METTL2A: variants seen among roughly 807,000 people sequenced by gnomAD.
METTL2A encodes the protein tRNA N(3)-cytidine methyltransferase METTL2A.
Under a neutral mutation model 49.4 loss-of-function variants are expected in METTL2A, and 45 were observed. That is an observed-to-expected ratio of 0.91 (90% CI 0.72 to 1.17). METTL2A has a LOEUF of 1.17. Among genes scored for constraint, METTL2A ranks in the 50% most tolerant of loss-of-function variants. The pLI is 0.00. For missense variants in METTL2A, 361 were observed against 462.2 expected, an observed-to-expected ratio of 0.78 and a Z score of 2.01; for synonymous variants, 118 against 167.5, an observed-to-expected ratio of 0.70 and a Z score of 2.28.
Position 62,423,995 on chromosome 17 carries a change from C to T in METTL2A, c.93C>T (p.Val31=). The T allele has an allele frequency of 1.9e-6, 3 of 1,613,990 alleles. No individual in the cohort carries two copies. Among genetic ancestry groups the T allele is most frequent in the Non-Finnish European group, 2.5e-6 (3 of 1,179,992 alleles). Residue 31 remains valine, a synonymous_variant, in exon 1 of 9, where the codon GTC becomes GTT. Coordinates refer to ENST00000311506, the MANE Select transcript of METTL2A (RefSeq NM_181725.4). ...GSRFLRDPAR[V]FHHNAWDNVE... ...GGTTCCTGAGAGATCCGGCGCGCGT[C>T]TTCCACCACAATGCCTGGTAATCAC...
intron 5 of METTL2A, among the ~76,000 whole-genome samples, chr17:62,436,543 C>A (rs2070701474): frequency 6.6e-6 from 1 of 151,886 alleles, no homozygotes; most frequent in East Asian, 1.9e-4. Context: ...CAGTGAGACT[C>A]CATCTCAAAA....
chr17:62,444,219 A>G (rs1567737293), intron 6 of METTL2A, among the ~76,000 whole-genome samples: 1 of 152,240 alleles, frequency 6.6e-6, no homozygotes, highest in Non-Finnish European at 1.5e-5. Flanking sequence ...CACAGGGCAA[A>G]GATGGCTATC....
intron 7 of METTL2A, among the ~76,000 whole-genome samples, chr17:62,446,012 T>C (rs2070765882): frequency 6.6e-6 from 1 of 152,132 alleles, no homozygotes; most frequent in Non-Finnish European, 1.5e-5. Context: ...CGAGGAGTAT[T>C]TAGTCAGTTC....
intron 4 of METTL2A, among the ~76,000 whole-genome samples, chr17:62,431,612 C>A (rs917713063): frequency 1.3e-5 from 2 of 152,056 alleles, no homozygotes; most frequent in African/African-American, 4.8e-5. Context: ...GCCTTAGGAT[C>A]ATTTCTCAGG....
chr17:62,442,224 T>C (rs2070742806), intron 6 of METTL2A, among the ~76,000 whole-genome samples: 1 of 152,128 alleles, frequency 6.6e-6, no homozygotes, highest in Non-Finnish European at 1.5e-5. Flanking sequence ...TATCCTAAAA[T>C]ACACCATTAA....
At position 62,426,333 on chromosome 17, in the gene METTL2A, T is replaced by G. The variant is rs1418486950; in HGVS notation, c.237T>G (p.Asn79Lys). ...DYEINAHKYW[N>K]DFYKIHENGF... ...AGATCAATGCCCACAAATACTGGAATGACTTCTACAAAATCCACGAAAATG... is the reference window on the plus strand; with the variant it reads ...AGATCAATGCCCACAAATACTGGAAGGACTTCTACAAAATCCACGAAAATG... The change falls in exon 3 of 9, where the codon AAT (asparagine) becomes AAG (lysine). Residue 79 changes from asparagine to lysine, a missense_variant. Asn to Lys is a moderately conservative substitution (Grantham distance 94). Transcript: ENST00000311506. 6.2e-7 allele frequency: 1 copy of G among 1,612,260 alleles called. No individual in the cohort carries two copies. The highest frequency in any genetic ancestry group is 8.5e-7 in the Non-Finnish European group (1 of 1,178,620).
At position 62,424,285 on chromosome 17, in the gene METTL2A, C is replaced by T. The variant is rs2070607816; in HGVS notation, c.177C>T (p.Ile59=). The change falls in exon 2 of 9, where the codon ATC becomes ATT. Residue 59 remains isoleucine, a synonymous_variant. Coordinates refer to ENST00000311506, the MANE Select transcript of METTL2A (RefSeq NM_181725.4). ...AAERKVQENS[I]QRVCQEKQVD... The stretch of plus-strand genomic sequence containing the variant: ...AGAGAAAAGTCCAGGAGAACAGTAT[C>T]CAGCGGGTGTGCCAGGAGAAACAAG... The T allele has an allele frequency of 6.2e-7, 1 of 1,613,974 alleles. No individual in the cohort carries two copies. The highest frequency in any genetic ancestry group is 1.7e-5 in the Admixed American group (1 of 60,008).
chr17:62,439,395 G>A (rs1175975964), intron 5 of METTL2A, among the ~76,000 whole-genome samples: 1 of 151,888 alleles, frequency 6.6e-6, no homozygotes, highest in Non-Finnish European at 1.5e-5. Context: ...GTGAGCCACC[G>A]TGCCTAGCAG....
intron 6 of METTL2A, among the ~76,000 whole-genome samples, chr17:62,441,391 G>A (rs1253626369): frequency 6.6e-6 from 1 of 152,178 alleles, no homozygotes; most frequent in African/African-American, 2.4e-5. Context: ...TTTTAGAACT[G>A]TGAACTGTGG....
At chr17:62,429,424 G>A (rs1280679459) in intron 4 of METTL2A, among the ~76,000 whole-genome samples, 2 of 151,940 alleles carry the variant, frequency 1.3e-5, no homozygotes, top group East Asian at 1.9e-4. Context: ...CCTAGTAGCT[G>A]GGATTAAGGG....
At position 62,426,375 on chromosome 17, in the gene METTL2A, A is replaced by G. The variant is rs753791856; in HGVS notation, c.279A>G (p.Arg93=). 5.0e-6 allele frequency: 8 copies of G among 1,613,854 alleles called. No homozygotes were observed. The highest frequency in any genetic ancestry group is 5.1e-6 in the Non-Finnish European group (6 of 1,179,922). ...KIHENGFFKD[R]HWLFTEFPEL... The stretch of plus-strand genomic sequence containing the variant: ...ACGAAAATGGGTTTTTCAAGGATAG[A>G]CATTGGCTTTTTACCGAATTCCCTG... Residue 93 remains arginine, a synonymous_variant, in exon 3 of 9, where the codon AGA becomes AGG. Coordinates refer to ENST00000311506, the MANE Select transcript of METTL2A (RefSeq NM_181725.4).
chr17:62,424,795 A>C (rs1210451240), intron 2 of METTL2A, among the ~76,000 whole-genome samples: 1 of 151,846 alleles, frequency 6.6e-6, no homozygotes, highest in African/African-American at 2.4e-5. Context: ...AGTCAAGGAA[A>C]GGTGGATGCA....
At chr17:62,441,796 AGTGAT>A in intron 6 of METTL2A, among the ~76,000 whole-genome samples, 1 of 147,946 alleles carries the variant, frequency 6.8e-6, no homozygotes, top group African/African-American at 2.5e-5. Context: ...GCTGGGGTGC[AGTGAT>A]GAGATCTTGG....
intron 4 of METTL2A, among the ~76,000 whole-genome samples, chr17:62,433,352 T>G (rs545947296): frequency 2.0e-5 from 3 of 151,702 alleles, no homozygotes; most frequent in South Asian, 4.2e-4. Context: ...GAGAATGGCT[T>G]GGACCCAGGA....
In METTL2A at chr17:62,448,824, C is replaced by G; in HGVS notation, c.*95C>G. The G allele has an allele frequency of 6.5e-7, 1 of 1,537,444 alleles. No homozygotes were observed. The highest frequency in any genetic ancestry group is 8.8e-7 in the Non-Finnish European group (1 of 1,141,346). On this transcript the variant is annotated 3_prime_UTR_variant, in exon 9 of 9. Transcript: ENST00000311506. ...ACTGGGCGTGGTGCATGCCTGTAAT[C>G]CCAGCCACTCAGGAGGCTGAGGCGG...
At chr17:62,434,162 GA>G (rs1303887444) in intron 4 of METTL2A, among the ~76,000 whole-genome samples, 1 of 152,186 alleles carries the variant, frequency 6.6e-6, no homozygotes, top group Non-Finnish European at 1.5e-5. Flanking sequence ...TGCAGTGACG[GA>G]AATGTTCTGC....
intron 7 of METTL2A, among the ~76,000 whole-genome samples, chr17:62,446,711 G>A (rs2070771512): frequency 6.6e-6 from 1 of 152,174 alleles, no homozygotes; most frequent in Non-Finnish European, 1.5e-5. Context: ...GCAAAACTTT[G>A]TAAACAAAGT....
intron 5 of METTL2A, among the ~76,000 whole-genome samples, chr17:62,437,849 G>A (rs1348609756): frequency 1.3e-5 from 2 of 152,100 alleles, no homozygotes; most frequent in Non-Finnish European, 2.9e-5. Flanking sequence ...GCACGCACCT[G>A]TTGTCCCAGC....
rs1598039448 is a variant in METTL2A at position 62,449,323 on chromosome 17, T to C, written c.*594T>C. ...TGTAGGGGAAGCAAGCTGGGAAGAA[T>C]CAGATCAGATATTTTCCTGACAAAA... is the stretch of plus-strand genomic sequence containing the variant. On this transcript the variant is annotated 3_prime_UTR_variant, in exon 9 of 9. Coordinates refer to ENST00000311506, the MANE Select transcript of METTL2A (RefSeq NM_181725.4). 1 of 423,256 alleles carries C rather than the reference T, an allele frequency of 2.4e-6. No homozygotes were observed. Among genetic ancestry groups the C allele is most frequent in the Non-Finnish European group, 4.7e-6 (1 of 214,292 alleles). The allele number at this position is 423,256 out of a possible 1,614,324, so 26.2% of individuals were successfully genotyped here.
Sources: gnomAD v4.1 joint callset for allele counts (sites outside exome capture counted in the v4.1 genomes callset) on GRCh38, gnomAD v4.1.1 for gene constraint, MANE v1.5 for transcripts, NCBI Gene and HGNC (gene_info 2026-07-23, HGNC 2026-07-21) for gene names.